CLCNKB: variants seen among roughly 807,000 people sequenced by gnomAD.
The protein encoded by CLCNKB is chloride channel protein ClC-Kb.
In CLCNKB, 74 loss-of-function variants were observed where a neutral mutation model predicts 83.8. The observed-to-expected ratio is 0.88, with a 90% CI of 0.73 to 1.07. The LOEUF is 1.07. CLCNKB is among the 50% of genes least tolerant of loss of function. CLCNKB has a pLI of 0.00. For synonymous variants in CLCNKB, 358 were observed against 356.6 expected (o/e 1.00, Z -0.04); for missense variants, 798 against 893.6 (o/e 0.89, Z 1.36).
chr1:16,044,214 C>T (rs557059238), intron 1 of CLCNKB, among the ~76,000 whole-genome samples: 2 of 144,060 alleles, frequency 1.4e-5, no homozygotes, highest in Non-Finnish European at 3.1e-5. Context: ...GGGCTCCGGC[C>T]TGTGCCCAGT....
At chr1:16,055,586 G>T in intron 17 of CLCNKB, 63 bp downstream of exon 17, 2 of 1,565,492 alleles carry the variant, frequency 1.3e-6, no homozygotes, top group Non-Finnish European at 1.8e-6. Flanking sequence ...GGGAGGAGAG[G>T]GGCCCGCTGA....
rs138768237 is a variant in CLCNKB, at chr1:16,045,562, C to A, written c.105C>A (p.Gly35=). 6.2e-7 allele frequency: 1 copy of A among 1,613,446 alleles called. No individual in the cohort carries two copies. The highest frequency in any genetic ancestry group is 1.1e-5 in the South Asian group (1 of 91,078). Residue 35 remains glycine, a synonymous_variant, in exon 3 of 20, where the codon GGC becomes GGA. Transcript: ENST00000375679. ...TGACCCCATGCCCTGCCCCAGGTGG[C>A]CTGGAGTGGCTGAAGCAGAAGCTCT... The part of the protein sequence containing the change: ...CPRIRRGIRG[G]LEWLKQKLFR...
chr1:16,046,817 A>C (rs1304416003), intron 4 of CLCNKB, among the ~76,000 whole-genome samples, 154 bp downstream of exon 4: 1 of 152,174 alleles, frequency 6.6e-6, no homozygotes, highest in East Asian at 1.9e-4. Flanking sequence ...CCAGATCTTG[A>C]CTTTTGGGTC....
chr1:16,048,045 G>A lies in CLCNKB; in HGVS notation c.498+1G>A. The A allele has an allele frequency of 2.5e-6, 4 of 1,613,286 alleles. No homozygotes were observed. The highest frequency in any genetic ancestry group is 1.3e-5 in the African/African-American group (1 of 74,972). On this transcript the variant is annotated splice_donor_variant, in intron 5 of 19. Coordinates refer to ENST00000375679, the MANE Select transcript of CLCNKB (RefSeq NM_000085.5). LOFTEE classifies it high-confidence loss of function. ...CAGCACCCTCTTCCTCGGGAAAGTG[G>A]TATGGGCAGGGGTGAGGGCATCCCA...
intron 1 of CLCNKB, 130 bp from the exon 2 acceptor site, chr1:16,044,356 T>TACACACACACACACACACACACACAC (rs1553127093): frequency 5.6e-5 from 21 of 375,396 alleles, no homozygotes; most frequent in African/African-American, 4.3e-4. Flanking sequence ...TAACTTCACA[T>TACACACACACACACACACACACACAC]ACACACACAC....
At position 16,054,087 on chromosome 1, in the gene CLCNKB, C is replaced by T. The variant is rs10803414; in HGVS notation, c.1756+315C>T. On this transcript the variant is annotated intron_variant, in intron 16 of 19. Coordinates refer to ENST00000375679, the MANE Select transcript of CLCNKB (RefSeq NM_000085.5). ...TCCGGAAGCTTCCCTTCAGGCCTCCCTTTAAGCATTCCCCAGATGAGTCCC... is the reference window on the plus strand; with the variant it reads ...TCCGGAAGCTTCCCTTCAGGCCTCCTTTTAAGCATTCCCCAGATGAGTCCC... Among the ~76,000 whole-genome samples, 61,848 of 151,804 alleles carry T rather than the reference C, an allele frequency of 0.41. 13,751 individuals are homozygous for T. Among genetic ancestry groups the T allele is most frequent in the East Asian group, 0.81 (4,166 of 5,166 alleles).
chr1:16,045,435 G>A, intron 2 of CLCNKB, 123 bp from the exon 3 acceptor site: 1 of 1,213,990 alleles, frequency 8.2e-7, no homozygotes, highest in South Asian at 1.3e-5. Flanking sequence ...CTACCCCAGA[G>A]TATACCACCA....
chr1:16,053,070 T>C (rs2023342536), intron 15 of CLCNKB, among the ~76,000 whole-genome samples: 1 of 151,992 alleles, frequency 6.6e-6, no homozygotes, highest in Admixed American at 6.6e-5. Context: ...TCACTCTGTT[T>C]CACAGGCTGG....
In CLCNKB at chr1:16,053,759, G is replaced by C; in HGVS notation, c.1743G>C (p.Leu581=). 1 of 1,613,762 alleles carries C rather than the reference G, an allele frequency of 6.2e-7. No homozygotes were observed. The highest frequency in any genetic ancestry group is 8.5e-7 in the Non-Finnish European group (1 of 1,179,948). ...CCACAGACGTGGCCAAGTATCCCCT[G>C]GTGGAGAGCACAGGTGCCCAGCCGG... ...VTSTDVAKYP[L]VESTESQILV... is the part of the protein sequence containing the mutation. The change falls in exon 16 of 20, where the codon CTG becomes CTC. Residue 581 remains leucine (L), a synonymous_variant. Coordinates refer to ENST00000375679, the MANE Select transcript of CLCNKB (RefSeq NM_000085.5).
rs1439137958 is a variant in CLCNKB at position 16,051,053 on chromosome 1, G to A, written c.1227+5G>A. 1 of 1,613,778 alleles carries A rather than the reference G, an allele frequency of 6.2e-7. No individual in the cohort carries two copies. Among genetic ancestry groups the A allele is most frequent in the Non-Finnish European group, 8.5e-7 (1 of 1,179,992 alleles). ...GCCTTCTTCCTGGTTATGAAGGTGGGCCCCCTGGTCCCCAGGTGTGCACAG... is the reference window on the plus strand; with the variant it reads ...GCCTTCTTCCTGGTTATGAAGGTGGACCCCCTGGTCCCCAGGTGTGCACAG... On this transcript the variant is annotated splice_donor_5th_base_variant and intron_variant, in intron 12 of 19. Coordinates refer to ENST00000375679, the MANE Select transcript of CLCNKB (RefSeq NM_000085.5).
Position 16,052,397 on chromosome 1 carries a change from G to A in CLCNKB, c.1608G>A (p.Leu536=). 1 of 1,613,586 alleles carries A rather than the reference G, an allele frequency of 6.2e-7. No individual in the cohort carries two copies. Among genetic ancestry groups the A allele is most frequent in the East Asian group, 2.2e-5 (1 of 44,886 alleles). ...VKKLPYLPRI[L]GRNIGSHRVR... ...AGCTGCCATACCTGCCACGGATTCT[G>A]GGCCGCAACATCGGGTGAGTGGTGC... Residue 536 remains leucine (L), a synonymous_variant, in exon 15 of 20, where the codon CTG becomes CTA. Transcript: ENST00000375679.
At chr1:16,043,943 G>GC (rs1180390294) in intron 1 of CLCNKB, 63 bp downstream of exon 1, 9 of 116,638 alleles carry the variant, frequency 7.7e-5, no homozygotes, top group African/African-American at 2.6e-4. Flanking sequence ...GGGGGGGGGG[G>GC]GGTGGTAAGG....
intron 11 of CLCNKB, 112 bp from the exon 12 acceptor site, chr1:16,050,763 C>A: frequency 6.4e-7 from 1 of 1,557,794 alleles, no homozygotes; most frequent in Non-Finnish European, 8.7e-7. Context: ...GCCCAAGGCC[C>A]CCCGCTGGGA....
At chr1:16,046,483 C>T in intron 3 of CLCNKB, 52 bp from the exon 4 acceptor site, 6 of 1,610,512 alleles carry the variant, frequency 3.7e-6, no homozygotes, top group East Asian at 2.2e-5. Flanking sequence ...AGCGTCTGGC[C>T]CCGAGGGCTG....
intron 5 of CLCNKB, 114 bp downstream of exon 5, chr1:16,048,158 T>G: frequency 1.8e-5 from 27 of 1,480,664 alleles, no homozygotes; most frequent in Non-Finnish European, 2.5e-5. Context: ...GTCCCTGCCT[T>G]CCAGGAACTC....
At chr1:16,052,135 G>A (rs1239770795) in intron 14 of CLCNKB, 63 bp from the exon 15 acceptor site, 6 of 1,600,774 alleles carry the variant, frequency 3.7e-6, no homozygotes, top group Non-Finnish European at 5.1e-6. Flanking sequence ...AGCCGTGCCA[G>A]CCTTGCCCTA....
intron 16 of CLCNKB, 65 bp downstream of exon 16, chr1:16,053,837 T>G: frequency 6.2e-6 from 10 of 1,602,822 alleles, no homozygotes; most frequent in Non-Finnish European, 8.5e-6. Context: ...TTCTTGAACC[T>G]GTCAGGCAGA....
chr1:16,045,059 C>A (rs1170179647), intron 2 of CLCNKB, among the ~76,000 whole-genome samples: 1 of 152,114 alleles, frequency 6.6e-6, no homozygotes, highest in Non-Finnish European at 1.5e-5. Flanking sequence ...GACTGCAACC[C>A]CAGGGGCTGG....
At chr1:16,053,490 G>A in intron 15 of CLCNKB, 149 bp from the exon 16 acceptor site, 1 of 1,129,586 alleles carries the variant, frequency 8.9e-7, no homozygotes, top group South Asian at 1.3e-5. Flanking sequence ...TGGGTTCTAG[G>A]AGTCCCTCAT....
Sources: gnomAD v4.1 joint callset for allele counts (sites outside exome capture counted in the v4.1 genomes callset) on GRCh38, gnomAD v4.1.1 for gene constraint, MANE v1.5 for transcripts, NCBI Gene and HGNC (gene_info 2026-07-23, HGNC 2026-07-21) for gene names.